Variants in GEMIN7 observed in about 807,000 individuals in gnomAD.
GEMIN7 encodes the protein gem nuclear organelle associated protein 7.
A neutral mutation model predicts 7.8 loss-of-function variants in GEMIN7; 7 were observed. The observed-to-expected ratio is 0.90, with a 90% CI of 0.51 to 1.69. The LOEUF (loss-of-function observed/expected upper bound fraction) is 1.69, where lower values mean the gene tolerates loss of function less well. Among genes scored for constraint, GEMIN7 ranks in the 40% most tolerant of loss-of-function variants. GEMIN7 has a pLI of 0.00. For synonymous variants in GEMIN7, 68 were observed against 72.4 expected, an observed-to-expected ratio of 0.94 and a Z score of 0.31; for missense variants, 159 against 176.2, an observed-to-expected ratio of 0.90 and a Z score of 0.55.
chr19:45,088,960 GAC>G (rs1967798195), intron 2 of GEMIN7, among the ~76,000 whole-genome samples: 1 of 89,758 alleles, frequency 1.1e-5, no homozygotes, highest in Non-Finnish European at 2.3e-5. Flanking sequence ...TCTTTTTTTT[GAC>G]ACAGAGTCTC....
In GEMIN7 at chr19:45,090,411, G is replaced by A; in HGVS notation, c.297G>A (p.Val99=). ...ACTTTGGAGCCACCGACCTGGATGT[G>A]GCCAACTTCTACGTGTCACAGCTGC... ...AAHFGATDLD[V]ANFYVSQLQT... is the part of the protein sequence containing the mutation. The change falls in exon 3 of 3, where the codon GTG becomes GTA. Residue 99 remains valine (V), a synonymous_variant. Coordinates refer to ENST00000270257, the MANE Select transcript of GEMIN7 (RefSeq NM_024707.3). The A allele has an allele frequency of 6.2e-7, 1 of 1,614,174 alleles. No individual in the cohort carries two copies. The highest frequency in any genetic ancestry group is 8.5e-7 in the Non-Finnish European group (1 of 1,180,054).
intron 2 of GEMIN7, among the ~76,000 whole-genome samples, chr19:45,086,603 G>C (rs78072155): frequency 6.6e-6 from 1 of 152,166 alleles, no homozygotes; most frequent in Non-Finnish European, 1.5e-5. Context: ...TGGGGAAACA[G>C]AGGCACAGAT....
chr19:45,078,534 A>G (rs1457904948), upstream of GEMIN7, among the ~76,000 whole-genome samples: 1 of 152,226 alleles, frequency 6.6e-6, no homozygotes, highest in Non-Finnish European at 1.5e-5. Context: ...GTTCATAAAT[A>G]CAACCCCTAC....
At chr19:45,082,199 C>G (rs923523891) in intron 2 of GEMIN7, among the ~76,000 whole-genome samples, 4 of 152,100 alleles carry the variant, frequency 2.6e-5, no homozygotes, top group African/African-American at 9.7e-5. Context: ...GGCACTCTCT[C>G]TGTCCCTGCC....
At chr19:45,081,924 C>T (rs1221480070) in intron 2 of GEMIN7, among the ~76,000 whole-genome samples, 7 of 152,068 alleles carry the variant, frequency 4.6e-5, no homozygotes, top group African/African-American at 1.4e-4. Context: ...CGCCCAGCCT[C>T]GACCTTTCAA....
Position 45,079,995 on chromosome 19 carries a change from C to CTCCT in GEMIN7, c.-42_-39dup, listed in dbSNP as rs1967445158. ...CCAAATGTTTGTCCACTGAGCTGATCTCCTCTCTGGAGCACCGGGGCCACC... is the reference window on the plus strand; with the variant it reads ...CCAAATGTTTGTCCACTGAGCTGATCTCCTTCCTCTCTGGAGCACCGGGGCCACC... On this transcript the variant is annotated 5_prime_UTR_variant, in exon 2 of 3. Coordinates refer to ENST00000270257, the MANE Select transcript of GEMIN7 (RefSeq NM_024707.3). 6.6e-6 allele frequency: 1 copy of CTCCT among 152,308 alleles called. No homozygotes were observed. The highest frequency in any genetic ancestry group is 2.1e-4 in the South Asian group (1 of 4,836). The allele number at this position is 152,308 out of a possible 1,614,324, so 9.4% of individuals were successfully genotyped here. A position where few individuals can be genotyped will look rare whatever the true frequency, so the allele number is the denominator to read the frequency against.
intron 2 of GEMIN7, chr19:45,085,583 A>G (rs1967652721): frequency 6.6e-6 from 1 of 152,196 alleles, no homozygotes; most frequent in African/African-American, 2.4e-5. Flanking sequence ...TCCTTGGTCT[A>G]TCTGCAGGGT....
intron 2 of GEMIN7, among the ~76,000 whole-genome samples, chr19:45,083,339 C>T (rs1335417262): frequency 1.3e-5 from 2 of 151,938 alleles, no homozygotes; most frequent in African/African-American, 4.8e-5. Context: ...CCCAGCTACT[C>T]AGGAGGCTGA....
chr19:45,087,578 G>C (rs1337724728), intron 2 of GEMIN7, among the ~76,000 whole-genome samples: 1 of 152,204 alleles, frequency 6.6e-6, no homozygotes, highest in African/African-American at 2.4e-5. Context: ...AACCGAAAGT[G>C]CAAGAGCCCA....
intron 2 of GEMIN7, among the ~76,000 whole-genome samples, chr19:45,087,798 A>G (rs1239184403): frequency 6.6e-6 from 1 of 152,092 alleles, no homozygotes; most frequent in African/African-American, 2.4e-5. Flanking sequence ...TGAAGGTGGA[A>G]GCCAGGGACC....
intron 2 of GEMIN7, among the ~76,000 whole-genome samples, chr19:45,088,147 T>C (rs1218532620): frequency 2.0e-5 from 3 of 151,922 alleles, no homozygotes; most frequent in African/African-American, 7.3e-5. Context: ...GGTTTCACCA[T>C]GTTGGCCAGG....
upstream of GEMIN7, among the ~76,000 whole-genome samples, chr19:45,078,874 A>T (rs1967410006): frequency 1.3e-5 from 2 of 152,210 alleles, no homozygotes; most frequent in Admixed American, 6.5e-5. Context: ...GGCATCTGAA[A>T]CCATGATCTC....
At chr19:45,084,227 A>AG (rs1254018634) in intron 2 of GEMIN7, among the ~76,000 whole-genome samples, 1 of 148,928 alleles carries the variant, frequency 6.7e-6, no homozygotes, top group Non-Finnish European at 1.5e-5. Context: ...AAAAAAAAAA[A>AG]AAAAAAGAAA....
intron 2 of GEMIN7, among the ~76,000 whole-genome samples, chr19:45,087,309 T>A (rs1439761953): frequency 6.6e-6 from 1 of 152,188 alleles, no homozygotes; most frequent in Non-Finnish European, 1.5e-5. Context: ...CACGTCCGGC[T>A]GATTTTTGTA....
At chr19:45,075,853 G>C (rs751557082), upstream of GEMIN7, 1 of 1,614,036 alleles carries the variant, frequency 6.2e-7, no homozygotes, top group Non-Finnish European at 8.5e-7. Context: ...GTCGGTCCAG[G>C]GCTGGCGGTC....
chr19:45,083,623 G>C (rs1273341195), intron 2 of GEMIN7, among the ~76,000 whole-genome samples: 2 of 118,028 alleles, frequency 1.7e-5, no homozygotes, highest in Non-Finnish European at 3.4e-5. Context: ...TTTTGTTTGA[G>C]ACAGGGTCTC....
rs566166249 is a variant in GEMIN7 at position 45,080,372 on chromosome 19, T to C, written c.-9+343T>C. Reference sequence around the variant, plus strand: ...CACCCTCCAGCTTGCACCAAGGAAATGATTTTTTTTTTTTTTTTTTTGAAA... The same window carrying C: ...CACCCTCCAGCTTGCACCAAGGAAACGATTTTTTTTTTTTTTTTTTTGAAA... On this transcript the variant is annotated intron_variant, in intron 2 of 2. Coordinates refer to ENST00000270257, the MANE Select transcript of GEMIN7 (RefSeq NM_024707.3). Among the ~76,000 whole-genome samples, 35 of 142,858 alleles carry C rather than the reference T, an allele frequency of 2.4e-4. No individual in the cohort carries two copies. The East Asian group carries it at 6.6e-3, about 27-fold the overall frequency. The allele number at this position is 142,858 out of a possible 152,430, so 93.7% of individuals were successfully genotyped here. A position where few individuals can be genotyped will look rare whatever the true frequency, so the allele number is the denominator to read the frequency against.
chr19:45,085,090 TG>T (rs1182057175), intron 2 of GEMIN7, among the ~76,000 whole-genome samples: 1 of 152,216 alleles, frequency 6.6e-6, no homozygotes, highest in African/African-American at 2.4e-5. Flanking sequence ...GGCTAATTTT[TG>T]TATTTCTTAG....
intron 2 of GEMIN7, among the ~76,000 whole-genome samples, chr19:45,086,271 G>GA (rs959923558): frequency 6.6e-6 from 1 of 151,530 alleles, no homozygotes; most frequent in African/African-American, 2.4e-5. Context: ...TCCAAAAAAG[G>GA]AAAAAAAAGA....
Sources: gnomAD v4.1 joint callset for allele counts (sites outside exome capture counted in the v4.1 genomes callset) on GRCh38, gnomAD v4.1.1 for gene constraint, MANE v1.5 for transcripts, NCBI Gene and HGNC (gene_info 2026-07-23, HGNC 2026-07-21) for gene names.